Variants in PKN2 observed in about 807,000 individuals in gnomAD.
The protein encoded by PKN2 is protein kinase N2.
In PKN2, 38 loss-of-function variants were observed where a neutral mutation model predicts 119.1. The ratio of observed to expected loss-of-function variants is 0.32; its 90% CI spans 0.25 to 0.42. The LOEUF (loss-of-function observed/expected upper bound fraction) is 0.42, where lower values mean the gene tolerates loss of function less well. PKN2 is among the 10% of genes least tolerant of loss of function. The probability of loss-of-function intolerance (pLI) is 1.00; values close to 1 mark genes in which losing one functional copy is unlikely to be tolerated. For missense variants in PKN2, 850 were observed against 1,165.1 expected, an observed-to-expected ratio of 0.73 and a Z score of 3.94; for synonymous variants, 390 against 384.9, an observed-to-expected ratio of 1.01 and a Z score of -0.15.
intron 1 of PKN2, among the ~76,000 whole-genome samples, chr1:88,687,277 TAAAC>T (rs1666140203): frequency 6.6e-6 from 1 of 152,152 alleles, no homozygotes; most frequent in Non-Finnish European, 1.5e-5. Context: ...GAAGCATTAA[TAAAC>T]TATGTAAACT....
At chr1:88,726,925 G>A (rs548320227) in intron 1 of PKN2, among the ~76,000 whole-genome samples, 7 of 152,200 alleles carry the variant, frequency 4.6e-5, no homozygotes, top group African/African-American at 1.7e-4. Context: ...TTCTTGTTAG[G>A]TGGAACATTT....
intron 1 of PKN2, among the ~76,000 whole-genome samples, chr1:88,705,062 A>T (rs1002394649): frequency 4.6e-5 from 7 of 151,644 alleles, no homozygotes; most frequent in Non-Finnish European, 8.8e-5. Context: ...TATATTCTGA[A>T]TTTAATACCT....
chr1:88,758,185 A>C (rs1669294304), intron 2 of PKN2, among the ~76,000 whole-genome samples: 1 of 152,008 alleles, frequency 6.6e-6, no homozygotes, highest in South Asian at 2.1e-4. Context: ...CAAAATCTGC[A>C]GGCATTGATT....
At chr1:88,716,646 G>A (rs1392834381) in intron 1 of PKN2, among the ~76,000 whole-genome samples, 2 of 151,846 alleles carry the variant, frequency 1.3e-5, no homozygotes, top group Non-Finnish European at 2.9e-5. Context: ...CCATTTGCTG[G>A]GTAGATCTTC....
In PKN2 at chr1:88,805,614, T is replaced by C. The variant is rs1671504579; in HGVS notation, c.1619T>C (p.Val540Ala). The C allele has an allele frequency of 6.2e-7, 1 of 1,614,162 alleles. No individual in the cohort carries two copies. The highest frequency in any genetic ancestry group is 8.5e-7 in the Non-Finnish European group (1 of 1,180,008). The stretch of plus-strand genomic sequence containing the variant: ...GGCACCTTCAGCCCTCAAGCTCCTG[T>C]GCCTACTACAGTGCCAGTGGTTGAT... ...HSGTFSPQAPVPTTVPVVDVR... is the reference protein window; with the variant it reads ...HSGTFSPQAPAPTTVPVVDVR... Residue 540 changes from valine (V) to alanine (A), a missense_variant, in exon 11 of 22, where the codon GTG becomes GCG. By Grantham distance (64) the Val-to-Ala change is moderately conservative. This residue lies in a region of PKN2 where 216 missense variants were observed against 252.8 expected (regional missense o/e 0.85). Coordinates refer to ENST00000370521, the MANE Select transcript of PKN2 (RefSeq NM_006256.4).
At chr1:88,777,914 A>G (rs1360160701) in intron 6 of PKN2, among the ~76,000 whole-genome samples, 1 of 152,198 alleles carries the variant, frequency 6.6e-6, no homozygotes, top group East Asian at 1.9e-4. Context: ...TGCTATCTGG[A>G]GGTTTCATCT....
intron 16 of PKN2, among the ~76,000 whole-genome samples, chr1:88,819,110 A>G (rs1672138525): frequency 6.6e-6 from 1 of 152,252 alleles, no homozygotes; most frequent in Non-Finnish European, 1.5e-5. Context: ...CATTCAGGAC[A>G]CAGGCATGGG....
chr1:88,689,232 C>T (rs1176314389), intron 1 of PKN2, among the ~76,000 whole-genome samples: 1 of 152,082 alleles, frequency 6.6e-6, no homozygotes, highest in East Asian at 1.9e-4. Flanking sequence ...TGGAAAAGCA[C>T]AAAAGAAAAT....
At chr1:88,687,977 T>C (rs1666171506) in intron 1 of PKN2, among the ~76,000 whole-genome samples, 1 of 152,250 alleles carries the variant, frequency 6.6e-6, no homozygotes, top group African/African-American at 2.4e-5. Context: ...GTAGGTGTTA[T>C]TTCCATGTTG....
At chr1:88,720,435 C>G (rs948183200) in intron 1 of PKN2, among the ~76,000 whole-genome samples, 1 of 152,066 alleles carries the variant, frequency 6.6e-6, no homozygotes, top group African/African-American at 2.4e-5. Context: ...CCAACCTGTC[C>G]GTCTCCATGT....
In PKN2 at chr1:88,751,190, G is replaced by C. The variant is rs546090336; in HGVS notation, c.350-9032G>C. 2.7e-5 allele frequency among the ~76,000 whole-genome samples: 4 copies of C among 150,406 alleles called. No individual in the cohort carries two copies. The South Asian group carries it at 8.3e-4, about 31-fold the overall frequency. ...TTTTTACCTCTCTATACTTAGGCAC[G>C]TGTGTGTGTGTAGATTAGCAGAATC... On this transcript the variant is annotated intron_variant, in intron 2 of 21. Coordinates refer to ENST00000370521, the MANE Select transcript of PKN2 (RefSeq NM_006256.4).
intron 18 of PKN2, 93 bp from the exon 19 acceptor site, chr1:88,828,388 C>T (rs959913389): frequency 5.5e-6 from 6 of 1,092,200 alleles, no homozygotes; most frequent in Non-Finnish European, 6.6e-6. Context: ...AAATGTGCAA[C>T]TTTAATTTTG....
At chr1:88,798,614 C>T (rs1671186272) in intron 8 of PKN2, among the ~76,000 whole-genome samples, 1 of 151,502 alleles carries the variant, frequency 6.6e-6, no homozygotes, top group African/African-American at 2.4e-5. Flanking sequence ...AAGAAGTTGC[C>T]CAGAATACAA....
At chr1:88,804,559 T>C (rs760097256) in intron 9 of PKN2, 25 bp downstream of exon 9, 1 of 1,592,052 alleles carries the variant, frequency 6.3e-7, no homozygotes, top group African/African-American at 1.3e-5. Context: ...TTATTAAATG[T>C]GCATAACTAC....
intron 19 of PKN2, among the ~76,000 whole-genome samples, chr1:88,829,963 G>A (rs939835124): frequency 6.6e-6 from 1 of 152,188 alleles, no homozygotes; most frequent in Middle Eastern, 3.2e-3. Context: ...GGATTCCTTG[G>A]AAAAGGAGGA....
At chr1:88,719,677 C>T (rs1011284244) in intron 1 of PKN2, among the ~76,000 whole-genome samples, 1 of 152,154 alleles carries the variant, frequency 6.6e-6, no homozygotes, top group African/African-American at 2.4e-5. Flanking sequence ...CACTCTAGCA[C>T]ACTGGGAGTT....
At chr1:88,796,111 A>G (rs1258730638) in intron 8 of PKN2, among the ~76,000 whole-genome samples, 2 of 152,240 alleles carry the variant, frequency 1.3e-5, no homozygotes, top group Admixed American at 6.5e-5. Flanking sequence ...TACAGGTTGA[A>G]TATCCTTTAT....
intron 6 of PKN2, among the ~76,000 whole-genome samples, chr1:88,776,476 A>C (rs1312439815): frequency 2.0e-5 from 3 of 151,744 alleles, no homozygotes; most frequent in African/African-American, 7.3e-5. Flanking sequence ...ACAGTGGCTC[A>C]CACCTATAAT....
chr1:88,800,533 G>A (rs1416384463), intron 8 of PKN2, among the ~76,000 whole-genome samples: 1 of 152,076 alleles, frequency 6.6e-6, no homozygotes, highest in Admixed American at 6.6e-5. Flanking sequence ...AAGGAATATG[G>A]AATATTCTAA....
Sources: gnomAD v4.1 joint callset for allele counts (sites outside exome capture counted in the v4.1 genomes callset) on GRCh38, gnomAD v4.1.1 for gene constraint, gnomAD v4.1.1 regional missense constraint, MANE v1.5 for transcripts, NCBI Gene and HGNC (gene_info 2026-07-23, HGNC 2026-07-21) for gene names.